The following GPR139 variants were observed in gnomAD, a reference collection of about 807,000 sequenced individuals.
The protein encoded by GPR139 is probable G protein-coupled receptor 139.
GPR139 carries 12 observed loss-of-function variants against 25.8 expected under a neutral mutation model. That is an observed-to-expected ratio of 0.47 (90% CI 0.30 to 0.75). The LOEUF (loss-of-function observed/expected upper bound fraction) is 0.75. GPR139 is among the 30% of genes least tolerant of loss of function. The probability of loss-of-function intolerance (pLI) is 0.07; values close to 1 mark genes in which losing one functional copy is unlikely to be tolerated. For synonymous variants in GPR139, 184 were observed against 179.9 expected, an observed-to-expected ratio of 1.02 and a Z score of -0.18; for missense variants, 380 against 450.2, an observed-to-expected ratio of 0.84 and a Z score of 1.41.
At position 20,029,975 on chromosome 16, in the gene GPR139, C is replaced by G. The variant is rs1384310370; in HGVS notation, c.*1760G>C. On this transcript the variant is annotated 3_prime_UTR_variant, in exon 2 of 2. Transcript: ENST00000570682. ...ATCTTTTGCAAAGGTAACTTTGGCT[C>G]TGTAAGGTTTTATCTTTTGCACTGA... Among the ~76,000 whole-genome samples, 1 of 152,100 alleles carries G rather than the reference C, an allele frequency of 6.6e-6. No homozygotes were observed. The highest frequency in any genetic ancestry group is 1.9e-4 in the East Asian group (1 of 5,184).
At chr16:20,062,845 A>T (rs1451174236) in intron 1 of GPR139, among the ~76,000 whole-genome samples, 3 of 152,208 alleles carry the variant, frequency 2.0e-5, no homozygotes, top group Non-Finnish European at 4.4e-5. Context: ...TAAACTATTG[A>T]TGAGATATTT....
chr16:20,031,867 A>G lies in GPR139; in HGVS notation c.930T>C (p.Pro310=). 1 of 1,614,150 alleles carries G rather than the reference A, an allele frequency of 6.2e-7. No homozygotes were observed. Among genetic ancestry groups the G allele is most frequent in the Non-Finnish European group, 8.5e-7 (1 of 1,180,018 alleles). Residue 310 remains proline, a synonymous_variant, in exon 2 of 2, where the codon CCT becomes CCC. Transcript: ENST00000570682. Reference sequence around the variant, plus strand: ...AGTTATGATTGGTGTAGAACTGTACAGGTTGCTTCTGGCACTTGAAGAAAG... The same window carrying G: ...AGTTATGATTGGTGTAGAACTGTACGGGTTGCTTCTGGCACTTGAAGAAAG... The part of the protein sequence containing the change: ...LKAFFKCQKQ[P]VQFYTNHNFS...
chr16:20,040,996 C>A (rs1389068741), intron 1 of GPR139, among the ~76,000 whole-genome samples: 2 of 151,220 alleles, frequency 1.3e-5, no homozygotes, highest in Admixed American at 1.3e-4. Context: ...AGTCACAATC[C>A]CCTGTGACTT....
At chr16:20,060,594 C>A (rs2057409280) in intron 1 of GPR139, among the ~76,000 whole-genome samples, 2 of 152,170 alleles carry the variant, frequency 1.3e-5, no homozygotes, top group Non-Finnish European at 2.9e-5. Flanking sequence ...CCCAGCTCTA[C>A]CCATGTTTGT....
Position 20,051,062 on chromosome 16 carries a change from C to CAAAAAAAAAA in GPR139, c.128-18403_128-18394dup, listed in dbSNP as rs3041359. Among the ~76,000 whole-genome samples, 156 of 121,322 alleles carry CAAAAAAAAAA rather than the reference C, an allele frequency of 1.3e-3. 2 individuals carry two copies. The highest frequency in any genetic ancestry group is 4.5e-3 in the African/African-American group (142 of 31,468). 79.6% of individuals were successfully genotyped at this position (121,322 alleles called of 152,430 possible). ...TGGGCAACAGAGCAAGACCCTGTTTCAAAAAAAAAAAAAGAAAGAAAGAAA... is the reference window on the plus strand; with the variant it reads ...TGGGCAACAGAGCAAGACCCTGTTTCAAAAAAAAAAAAAAAAAAAAAAAGAAAGAAAGAAA... On this transcript the variant is annotated intron_variant, in intron 1 of 1. Transcript: ENST00000570682.
intron 1 of GPR139, among the ~76,000 whole-genome samples, chr16:20,056,830 AT>A (rs936229307): frequency 6.6e-6 from 1 of 152,110 alleles, no homozygotes; most frequent in Non-Finnish European, 1.5e-5. Context: ...AAGAGGAGAA[AT>A]TTTTTTCAGG....
In GPR139 at chr16:20,073,764, T is replaced by A; in HGVS notation, c.-148A>T. The A allele has an allele frequency of 9.9e-7, 1 of 1,012,982 alleles. No homozygotes were observed. The highest frequency in any genetic ancestry group is 1.4e-6 in the Non-Finnish European group (1 of 721,764). The allele number at this position is 1,012,982 out of a possible 1,614,324, so 62.7% of individuals were successfully genotyped here. A position where few individuals can be genotyped will look rare whatever the true frequency, so the allele number is the denominator to read the frequency against. On this transcript the variant is annotated 5_prime_UTR_variant, in exon 1 of 2. Coordinates refer to ENST00000570682, the MANE Select transcript of GPR139 (RefSeq NM_001002911.4). The surrounding 1 kb of genome is among the most constrained non-coding windows in gnomAD (Gnocchi z 4.7). ...CAGGACTGGCTCCTACCCTTGGCCG[T>A]GATCCCCTCTGCTCGCTCCGCACCT...
rs1195355749 is a variant in GPR139 at position 20,037,910 on chromosome 16, G to T, written c.128-5241C>A. 5.9e-5 allele frequency among the ~76,000 whole-genome samples: 9 copies of T among 152,260 alleles called. No individual in the cohort carries two copies. The East Asian group carries it at 1.7e-3, about 29-fold the overall frequency. ...AGTTTCGCTCTTGTCGGCCAGGCTA[G>T]AGTGCAATGATGCGATCTCGGCTCA... On this transcript the variant is annotated intron_variant, in intron 1 of 1. Coordinates refer to ENST00000570682, the MANE Select transcript of GPR139 (RefSeq NM_001002911.4).
At chr16:20,064,194 T>A (rs2057423607) in intron 1 of GPR139, among the ~76,000 whole-genome samples, 1 of 152,144 alleles carries the variant, frequency 6.6e-6, no homozygotes, top group Admixed American at 6.5e-5. Flanking sequence ...CTCAACCATA[T>A]CACATTCCTA....
rs2057379567 is a variant in GPR139, at chr16:20,053,619, TG to T, written c.127+19870del. On this transcript the variant is annotated intron_variant, in intron 1 of 1. Transcript: ENST00000570682. ...GCTTTGCAAACTCCCAAGGTTGTTGTGGGGACCTAAGGAGATAACGCATGTG... is the reference window on the plus strand; with the variant it reads ...GCTTTGCAAACTCCCAAGGTTGTTGTGGGACCTAAGGAGATAACGCATGTG... 2.6e-5 allele frequency among the ~76,000 whole-genome samples: 4 copies of T among 152,336 alleles called. No homozygotes were observed. The East Asian group carries it at 7.7e-4, about 29-fold the overall frequency.
chr16:20,060,895 T>C (rs1263890581), intron 1 of GPR139, among the ~76,000 whole-genome samples: 1 of 152,182 alleles, frequency 6.6e-6, no homozygotes, highest in East Asian at 1.9e-4. Context: ...TCCATGTCCT[T>C]CAGATTTCGA....
chr16:20,062,505 A>C (rs2057417559), intron 1 of GPR139, among the ~76,000 whole-genome samples: 1 of 152,198 alleles, frequency 6.6e-6, no homozygotes, highest in African/African-American at 2.4e-5. Context: ...CAGAACTGTG[A>C]GATGTAAATT....
At chr16:20,041,927 G>A (rs1424813644) in intron 1 of GPR139, among the ~76,000 whole-genome samples, 1 of 152,136 alleles carries the variant, frequency 6.6e-6, no homozygotes, top group Non-Finnish European at 1.5e-5. Context: ...ATGGCTTTCT[G>A]GTTCCCCAAA....
chr16:20,071,951 AG>A (rs961080502), intron 1 of GPR139, among the ~76,000 whole-genome samples: 3 of 152,060 alleles, frequency 2.0e-5, no homozygotes, highest in African/African-American at 7.2e-5. Flanking sequence ...GGGAATGCTG[AG>A]GGGGAAAGAG....
At position 20,053,735 on chromosome 16, in the gene GPR139, T is replaced by C. The variant is rs149258198; in HGVS notation, c.127+19755A>G. Among the ~76,000 whole-genome samples the C allele has an allele frequency of 3.0e-3, 454 of 152,326 alleles. 5 individuals carry two copies. The highest frequency in any genetic ancestry group is 0.02 in the Middle Eastern group (6 of 294). On this transcript the variant is annotated intron_variant, in intron 1 of 1. Transcript: ENST00000570682. ...ATCCTGATTGGTATCAAGAGCAAGATAGCAGAAAATTAAAATATCTGCTAA... is the reference window on the plus strand; with the variant it reads ...ATCCTGATTGGTATCAAGAGCAAGACAGCAGAAAATTAAAATATCTGCTAA...
rs142931093 is a variant in GPR139, at chr16:20,055,776, C to T, written c.127+17714G>A. On this transcript the variant is annotated intron_variant, in intron 1 of 1. Transcript: ENST00000570682. ...TTCCCAAAAACACTATTAAAATCCT[C>T]ACCTCTTGCCGCTGTTCAGCAGATG... 1.4e-4 allele frequency among the ~76,000 whole-genome samples: 22 copies of T among 152,340 alleles called. No individual in the cohort carries two copies. The East Asian group carries it at 4.2e-3, about 29-fold the overall frequency.
chr16:20,034,428 C>A (rs2141200633), intron 1 of GPR139, among the ~76,000 whole-genome samples: 1 of 152,364 alleles, frequency 6.6e-6, no homozygotes, highest in Middle Eastern at 3.4e-3. Context: ...GAAGTCTCCT[C>A]TGAAGAAGCT....
intron 1 of GPR139, among the ~76,000 whole-genome samples, chr16:20,067,727 C>A (rs1356161866): frequency 2.0e-5 from 3 of 146,582 alleles, no homozygotes; most frequent in African/African-American, 7.6e-5. Context: ...TCGCTTGAAT[C>A]CAGGAGGCAG....
intron 1 of GPR139, among the ~76,000 whole-genome samples, chr16:20,057,789 C>T (rs2057395497): frequency 6.6e-6 from 1 of 152,184 alleles, no homozygotes; most frequent in African/African-American, 2.4e-5. Context: ...AGCCCTTCCT[C>T]CAGTCCCCAC....
Sources: allele counts gnomAD v4.1 joint callset (sites outside exome capture counted in the v4.1 genomes callset), GRCh38; gene constraint gnomAD v4.1.1; non-coding constraint Gnocchi (gnomAD v3.1); transcripts MANE v1.5; gene names NCBI Gene and HGNC (gene_info 2026-07-23, HGNC 2026-07-21).